Variants in HS2ST1 observed in about 807,000 individuals in gnomAD.
HS2ST1 encodes the protein 2-O-sulfotransferase.
A neutral mutation model predicts 42.9 loss-of-function variants in HS2ST1; 18 were observed. That is an observed-to-expected ratio of 0.42 (90% CI 0.29 to 0.62). HS2ST1 has a LOEUF of 0.62. Among genes scored for constraint, HS2ST1 ranks in the 20% least tolerant of loss-of-function variants. The pLI, the probability that HS2ST1 is intolerant of heterozygous loss-of-function variation, is 0.21. For synonymous variants in HS2ST1, 146 were observed against 152.9 expected (o/e 0.95, Z 0.33); for missense variants, 334 against 433.8 (o/e 0.77, Z 2.04).
At chr1:86,940,858 G>A (rs576441863) in intron 1 of HS2ST1, among the ~76,000 whole-genome samples, 2 of 152,234 alleles carry the variant, frequency 1.3e-5, no homozygotes, top group South Asian at 2.1e-4. Flanking sequence ...ACCATGTGTG[G>A]TGGCATGTGC....
chr1:86,919,763 T>C lies in HS2ST1; in HGVS notation c.124+4603T>C, dbSNP rs1331741605. 2.0e-5 allele frequency among the ~76,000 whole-genome samples: 3 copies of C among 152,198 alleles called. No homozygotes were observed. The East Asian group carries it at 5.8e-4, about 29-fold the overall frequency. ...TAGATGTTTCATATTTAGTGGACTT[T>C]TTTTTGTTTTTAGTAACATAACGTG... On this transcript the variant is annotated intron_variant, in intron 1 of 6. Transcript: ENST00000370550.
chr1:87,104,929 C>T lies in HS2ST1; in HGVS notation c.*233C>T. ...TAAACGTTGGTGAAAGTTATAACCT[C>T]CTGCCTGGGAGAAAATATACATCAC... On this transcript the variant is annotated 3_prime_UTR_variant, in exon 7 of 7. Transcript: ENST00000370550. 2.3e-6 allele frequency: 1 copy of T among 436,022 alleles called. No individual in the cohort carries two copies. Among genetic ancestry groups the T allele is most frequent in the Non-Finnish European group, 4.1e-6 (1 of 245,932 alleles). 27.0% of individuals were successfully genotyped at this position (436,022 alleles called of 1,614,324 possible).
chr1:87,058,493 C>G (rs1438783052), intron 1 of HS2ST1, among the ~76,000 whole-genome samples: 1 of 151,508 alleles, frequency 6.6e-6, no homozygotes, highest in Non-Finnish European at 1.5e-5. Context: ...CCATCCAGCT[C>G]ATTCCCATTC....
At chr1:86,935,444 T>C (rs1660625314) in intron 1 of HS2ST1, among the ~76,000 whole-genome samples, 1 of 150,376 alleles carries the variant, frequency 6.6e-6, no homozygotes, top group Non-Finnish European at 1.5e-5. Flanking sequence ...TTTTGTAATT[T>C]TCTTTTTCTC....
intron 5 of HS2ST1, among the ~76,000 whole-genome samples, chr1:87,100,374 G>T (rs908432399): frequency 6.6e-6 from 1 of 152,202 alleles, no homozygotes; most frequent in African/African-American, 2.4e-5. Context: ...GAACTGGAGT[G>T]GCCGGGATGT....
chr1:86,923,823 T>G (rs1482633381), intron 1 of HS2ST1, among the ~76,000 whole-genome samples: 1 of 152,192 alleles, frequency 6.6e-6, no homozygotes, highest in Non-Finnish European at 1.5e-5. Flanking sequence ...ACAGGGGAAT[T>G]CAAGATGGGA....
chr1:86,936,670 T>C (rs1214994927), intron 1 of HS2ST1, among the ~76,000 whole-genome samples: 1 of 152,216 alleles, frequency 6.6e-6, no homozygotes, highest in Non-Finnish European at 1.5e-5. Flanking sequence ...ACCTGAGTTT[T>C]AGGTTTCTTA....
chr1:86,929,357 A>G (rs555594403), intron 1 of HS2ST1, among the ~76,000 whole-genome samples: 21 of 151,934 alleles, frequency 1.4e-4, no homozygotes, highest in African/African-American at 4.3e-4. Context: ...AAATCACATG[A>G]TGTTACATGA....
chr1:87,025,616 G>A (rs773016420), intron 1 of HS2ST1, among the ~76,000 whole-genome samples: 13 of 152,218 alleles, frequency 8.5e-5, no homozygotes, highest in Middle Eastern at 3.4e-3. Context: ...ATTTTAAAAT[G>A]TTTTTGTCTA....
chr1:86,993,326 G>A (rs1198446014), intron 1 of HS2ST1, among the ~76,000 whole-genome samples: 1 of 152,074 alleles, frequency 6.6e-6, no homozygotes, highest in Non-Finnish European at 1.5e-5. Context: ...GATCAAAATT[G>A]TTTCCCTTTG....
At chr1:86,974,698 T>C (rs924898839) in intron 1 of HS2ST1, among the ~76,000 whole-genome samples, 1 of 152,132 alleles carries the variant, frequency 6.6e-6, no homozygotes, top group African/African-American at 2.4e-5. Context: ...GGACAGTCAG[T>C]TGGTGACTGC....
At chr1:87,051,680 AG>A (rs1650836280) in intron 1 of HS2ST1, among the ~76,000 whole-genome samples, 1 of 152,198 alleles carries the variant, frequency 6.6e-6, no homozygotes, top group Non-Finnish European at 1.5e-5. Context: ...ACAACTGTCC[AG>A]CATTTTACTG....
intron 1 of HS2ST1, among the ~76,000 whole-genome samples, chr1:86,976,039 G>A (rs1004528773): frequency 6.6e-6 from 1 of 152,168 alleles, no homozygotes; most frequent in South Asian, 2.1e-4. Flanking sequence ...TAAAACCAAA[G>A]TGTACATTTA....
At chr1:87,033,168 G>A (rs927576749) in intron 1 of HS2ST1, among the ~76,000 whole-genome samples, 31 of 152,084 alleles carry the variant, frequency 2.0e-4, no homozygotes, top group African/African-American at 3.4e-4. Flanking sequence ...ATATCCCTAC[G>A]TATTTATCAC....
In HS2ST1 at chr1:86,928,992, A is replaced by G. The variant is rs528310961; in HGVS notation, c.124+13832A>G. On this transcript the variant is annotated intron_variant, in intron 1 of 6. Coordinates refer to ENST00000370550, the MANE Select transcript of HS2ST1 (RefSeq NM_012262.4). Reference sequence around the variant, plus strand: ...GGTTGGAACTTTGTGTTTAATTAGTAAGCCATCATGACCTCTGAACCTTCA... The same window carrying G: ...GGTTGGAACTTTGTGTTTAATTAGTGAGCCATCATGACCTCTGAACCTTCA... Among the ~76,000 whole-genome samples the G allele has an allele frequency of 2.6e-5, 4 of 151,988 alleles. No individual in the cohort carries two copies. In the South Asian group the frequency reaches 8.3e-4, roughly 32 times the overall value.
At chr1:87,009,206 G>C (rs1174978945) in intron 1 of HS2ST1, among the ~76,000 whole-genome samples, 1 of 152,156 alleles carries the variant, frequency 6.6e-6, no homozygotes, top group African/African-American at 2.4e-5. Context: ...TATTACCTCT[G>C]TTATGTACAA....
chr1:87,047,036 C>T (rs1231805649), intron 1 of HS2ST1, among the ~76,000 whole-genome samples: 1 of 151,888 alleles, frequency 6.6e-6, no homozygotes, highest in African/African-American at 2.4e-5. Flanking sequence ...AGAAATTGTC[C>T]AACTGTTTTC....
At position 86,952,419 on chromosome 1, in the gene HS2ST1, G is replaced by A. The variant is rs572996827; in HGVS notation, c.124+37259G>A. Among the ~76,000 whole-genome samples, 30 of 152,154 alleles carry A rather than the reference G, an allele frequency of 2.0e-4. No individual in the cohort carries two copies. The South Asian group carries it at 6.0e-3, about 31-fold the overall frequency. On this transcript the variant is annotated intron_variant, in intron 1 of 6. Coordinates refer to ENST00000370550, the MANE Select transcript of HS2ST1 (RefSeq NM_012262.4). ...CGCCCGGCAAATTTTTATGTTTTTA[G>A]TAGAGATGGGGTTTCACCATGTTGG...
chr1:86,998,218 AT>A (rs1048804232), intron 1 of HS2ST1, among the ~76,000 whole-genome samples: 5 of 152,188 alleles, frequency 3.3e-5, no homozygotes, highest in Non-Finnish European at 7.3e-5. Context: ...GCTTAGGAAA[AT>A]TTGATGTAAG....
Sources: allele counts gnomAD v4.1 joint callset (sites outside exome capture counted in the v4.1 genomes callset), GRCh38; gene constraint gnomAD v4.1.1; transcripts MANE v1.5; gene names NCBI Gene and HGNC (gene_info 2026-07-23, HGNC 2026-07-21).